GPC5: variants seen among roughly 807,000 people sequenced by gnomAD.
GPC5 encodes the protein glypican-5.
A neutral mutation model predicts 53.9 loss-of-function variants in GPC5; 47 were observed. The observed-to-expected ratio is 0.87, with a 90% confidence interval of 0.69 to 1.11. The LOEUF (loss-of-function observed/expected upper bound fraction) is 1.11. GPC5 is among the 50% of genes most tolerant of loss of function. GPC5 has a pLI of 0.00. For missense variants in GPC5, 748 were observed against 713.1 expected (o/e 1.05, Z -0.56); for synonymous variants, 286 against 263.3 (o/e 1.09, Z -0.84).
At chr13:91,859,900 T>C (rs1477297346) in intron 5 of GPC5, among the ~76,000 whole-genome samples, 1 of 152,106 alleles carries the variant, frequency 6.6e-6, no homozygotes, top group Non-Finnish European at 1.5e-5. Context: ...AATATGTAAC[T>C]GTGTTATTGC....
At chr13:92,106,974 A>C (rs1452748530) in intron 6 of GPC5, among the ~76,000 whole-genome samples, 2 of 152,092 alleles carry the variant, frequency 1.3e-5, no homozygotes, top group African/African-American at 2.4e-5. Context: ...GTTATGTGCA[A>C]ACTTTACTTT....
At chr13:92,367,990 G>A (rs535404347) in intron 7 of GPC5, among the ~76,000 whole-genome samples, 31 of 152,126 alleles carry the variant, frequency 2.0e-4, no homozygotes, top group African/African-American at 7.2e-4. Context: ...TGTGTGTGGC[G>A]GGGGCAGGCG....
chr13:92,556,142 T>G (rs1882485869), intron 7 of GPC5, among the ~76,000 whole-genome samples: 1 of 151,796 alleles, frequency 6.6e-6, no homozygotes. Context: ...TTGTTTTTGT[T>G]TTGTAATGGT....
rs1425681641 is a variant in GPC5, at chr13:91,678,132, T to C, written c.326-15055T>C. On this transcript the variant is annotated intron_variant, in intron 2 of 7. Coordinates refer to ENST00000377067, the MANE Select transcript of GPC5 (RefSeq NM_004466.6). ...TGTCAAAGTAGAAACAGTATATTTATTAAACTGTCTGTAACTTCGGAGTGA... is the reference window on the plus strand; with the variant it reads ...TGTCAAAGTAGAAACAGTATATTTACTAAACTGTCTGTAACTTCGGAGTGA... Among the ~76,000 whole-genome samples, 3 of 152,206 alleles carry C rather than the reference T, an allele frequency of 2.0e-5. No homozygotes were observed. In the South Asian group the frequency reaches 6.2e-4, roughly 31 times the overall value.
intron 7 of GPC5, among the ~76,000 whole-genome samples, chr13:92,827,841 T>C (rs747570936): frequency 3.0e-4 from 46 of 151,916 alleles, no homozygotes; most frequent in Non-Finnish European, 5.6e-4. Context: ...ATGACAACGG[T>C]TGGAGTCAAC....
intron 7 of GPC5, among the ~76,000 whole-genome samples, chr13:92,655,810 T>C (rs1280208760): frequency 6.6e-6 from 1 of 152,176 alleles, no homozygotes; most frequent in Non-Finnish European, 1.5e-5. Context: ...CATAGTAGCC[T>C]AAGCTTACTT....
chr13:92,221,470 A>G (rs2139088214), intron 7 of GPC5, among the ~76,000 whole-genome samples: 1 of 152,178 alleles, frequency 6.6e-6, no homozygotes, highest in South Asian at 2.1e-4. Flanking sequence ...TAGAGTTAGG[A>G]ATTGTAGAGA....
chr13:92,238,170 G>C (rs1395422868), intron 7 of GPC5, among the ~76,000 whole-genome samples: 1 of 151,714 alleles, frequency 6.6e-6, no homozygotes, highest in East Asian at 1.9e-4. Context: ...TACTTCTCTT[G>C]ATAATATAGC....
At chr13:92,549,622 T>C (rs1006958761) in intron 7 of GPC5, among the ~76,000 whole-genome samples, 4 of 152,030 alleles carry the variant, frequency 2.6e-5, no homozygotes, top group Non-Finnish European at 5.9e-5. Flanking sequence ...TATATAATGT[T>C]TGAATGCTCA....
intron 7 of GPC5, among the ~76,000 whole-genome samples, chr13:92,792,713 A>G (rs2138776733): frequency 6.6e-6 from 1 of 152,242 alleles, no homozygotes; most frequent in South Asian, 2.1e-4. Context: ...AATGGAAAGC[A>G]AAAAAAGCAG....
chr13:91,542,745 G>A (rs977252170), intron 2 of GPC5, among the ~76,000 whole-genome samples: 8 of 151,776 alleles, frequency 5.3e-5, no homozygotes, highest in South Asian at 2.1e-4. Flanking sequence ...ACGCAATGGC[G>A]CGATCTCAGC....
intron 7 of GPC5, among the ~76,000 whole-genome samples, chr13:92,327,346 C>T (rs2043258894): frequency 6.6e-6 from 1 of 152,156 alleles, no homozygotes; most frequent in South Asian, 2.1e-4. Context: ...TTTCTGTTCT[C>T]TTGCTGTGTA....
At chr13:92,430,700 T>G (rs1411997044) in intron 7 of GPC5, among the ~76,000 whole-genome samples, 3 of 152,098 alleles carry the variant, frequency 2.0e-5, no homozygotes, top group African/African-American at 7.2e-5. Flanking sequence ...AATAAGTTTC[T>G]TAAAAGCCTG....
intron 7 of GPC5, among the ~76,000 whole-genome samples, chr13:92,359,888 G>A (rs1040467241): frequency 2.0e-5 from 3 of 151,540 alleles, no homozygotes; most frequent in Non-Finnish European, 4.4e-5. Context: ...ATTGGGGTAG[G>A]GACACAAATT....
At chr13:91,400,822 G>A (rs1184819969) in intron 1 of GPC5, among the ~76,000 whole-genome samples, 1 of 152,174 alleles carries the variant, frequency 6.6e-6, no homozygotes, top group Non-Finnish European at 1.5e-5. Flanking sequence ...GAACTTTCCA[G>A]AGTATCAGTC....
intron 6 of GPC5, among the ~76,000 whole-genome samples, chr13:92,073,701 T>A (rs1471936096): frequency 6.6e-6 from 1 of 152,214 alleles, no homozygotes; most frequent in Non-Finnish European, 1.5e-5. Flanking sequence ...GGTCTCTGTA[T>A]ACTGCTTGGT....
intron 6 of GPC5, among the ~76,000 whole-genome samples, chr13:92,087,634 G>A (rs573448892): frequency 2.6e-5 from 4 of 152,098 alleles, no homozygotes; most frequent in Non-Finnish European, 5.9e-5. Context: ...TGGGTGATGA[G>A]TGATCCTTCC....
chr13:91,680,193 G>A (rs2035474281), intron 2 of GPC5, among the ~76,000 whole-genome samples: 1 of 152,156 alleles, frequency 6.6e-6, no homozygotes, highest in Non-Finnish European at 1.5e-5. Flanking sequence ...GCTCACACCT[G>A]TTATCCCAGC....
At chr13:91,531,901 G>A (rs1008544605) in intron 2 of GPC5, among the ~76,000 whole-genome samples, 1 of 152,132 alleles carries the variant, frequency 6.6e-6, no homozygotes, top group African/African-American at 2.4e-5. Flanking sequence ...GTTTCCATGA[G>A]TCTCTTAGAT....
Sources: gnomAD v4.1 joint callset for allele counts (sites outside exome capture counted in the v4.1 genomes callset) on GRCh38, gnomAD v4.1.1 for gene constraint, MANE v1.5 for transcripts, NCBI Gene and HGNC (gene_info 2026-07-23, HGNC 2026-07-21) for gene names.